The following INTS3 variants were observed in gnomAD, a reference collection of about 807,000 sequenced individuals.
INTS3 encodes integrator complex subunit 3.
INTS3 carries 34 observed loss-of-function variants against 146.3 expected under a neutral mutation model. The observed-to-expected ratio is 0.23, with a 90% CI of 0.18 to 0.31. The LOEUF (loss-of-function observed/expected upper bound fraction) is 0.31, where lower values mean the gene tolerates loss of function less well. Ranked by LOEUF, INTS3 falls within the 10% of genes least tolerant of loss-of-function variation. The probability of loss-of-function intolerance (pLI) is 1.00; values close to 1 mark genes in which losing one functional copy is unlikely to be tolerated. For missense variants in INTS3, 757 were observed against 1,304.2 expected (o/e 0.58, Z 6.46); for synonymous variants, 475 against 494.9 (o/e 0.96, Z 0.53).
At position 153,772,377 on chromosome 1, in the gene INTS3, C is replaced by G. The variant is rs1672927245; in HGVS notation, c.2758C>G (p.Leu920Val). ...SSSSKLAQLT[L>V]EQILEHLDNL... ...TAGCAGCAAGCTGGCCCAGCTGACT[C>G]TGGAGCAGATCCTGGAGCACTTGGA... is the stretch of plus-strand genomic sequence containing the variant. Residue 920 changes from leucine (L) to valine (V), a missense_variant, in exon 27 of 30, where the codon CTG (leucine) becomes GTG (valine). Coordinates refer to ENST00000318967, the MANE Select transcript of INTS3 (RefSeq NM_023015.5). This position sits in a 1 kb window ranked among gnomAD's most constrained non-coding sequence, Gnocchi z 4.6. The G allele has an allele frequency of 6.2e-7, 1 of 1,614,052 alleles. No individual in the cohort carries two copies. The highest frequency in any genetic ancestry group is 8.5e-7 in the Non-Finnish European group (1 of 1,180,046).
chr1:153,767,559 T>G lies in INTS3; in HGVS notation c.2091-115T>G, dbSNP rs542897802. On this transcript the variant is annotated intron_variant, in intron 20 of 29. Transcript: ENST00000318967. ...CAGTTGGGAGGGACATGAGGCAGAT[T>G]AGCACAGGGCATCTGGAGCCAGCAA... The G allele has an allele frequency of 2.0e-5, 22 of 1,099,310 alleles. 1 individual carries two copies. In the Admixed American group the frequency reaches 5.6e-4, roughly 28 times the overall value. The allele number at this position is 1,099,310 out of a possible 1,614,324, so 68.1% of individuals were successfully genotyped here. A position where few individuals can be genotyped will look rare whatever the true frequency, so the allele number is the denominator to read the frequency against.
chr1:153,769,148 G>C (rs1482115781), intron 22 of INTS3, among the ~76,000 whole-genome samples, 187 bp downstream of exon 22: 1 of 152,226 alleles, frequency 6.6e-6, no homozygotes, highest in Non-Finnish European at 1.5e-5. Context: ...AAGCAAGGCA[G>C]GCTGAGGTTA....
At chr1:153,762,707 T>G in intron 14 of INTS3, 21 bp from the exon 15 acceptor site, 2 of 1,614,010 alleles carry the variant, frequency 1.2e-6, no homozygotes, top group South Asian at 1.1e-5. Context: ...ATTAAATGCC[T>G]TATCTTTTTT....
chr1:153,766,079 T>C (rs4845571), intron 20 of INTS3, among the ~76,000 whole-genome samples: 148,792 of 148,844 alleles, frequency 1, 74,370 homozygotes, highest in Middle Eastern at 1. Context: ...GGAATCAAAC[T>C]GTATGTGATC....
At chr1:153,738,319 C>T (rs1671380112) in intron 1 of INTS3, among the ~76,000 whole-genome samples, 1 of 151,994 alleles carries the variant, frequency 6.6e-6, no homozygotes, top group African/African-American at 2.4e-5. Context: ...AGGCTGGTCT[C>T]GAGCTCCTGG....
chr1:153,762,745 G>C lies in INTS3; in HGVS notation c.1534G>C (p.Val512Leu), dbSNP rs781128293. ...PPVEVKIEEP[V>L]SMEMDNHMSD... ...CTCCCAAGTCAAAATTGAGGAGCCAGTTTCCATGGAGATGGACAACCATAT... is the reference window on the plus strand; with the variant it reads ...CTCCCAAGTCAAAATTGAGGAGCCACTTTCCATGGAGATGGACAACCATAT... The change falls in exon 15 of 30, where the codon GTT becomes CTT. Residue 512 changes from valine to leucine, a missense_variant. Val to Leu is a conservative substitution (Grantham distance 32). Coordinates refer to ENST00000318967, the MANE Select transcript of INTS3 (RefSeq NM_023015.5). 2 of 1,614,086 alleles carry C rather than the reference G, an allele frequency of 1.2e-6. No individual in the cohort carries two copies. The highest frequency in any genetic ancestry group is 1.7e-5 in the Admixed American group (1 of 60,006).
chr1:153,768,924 T>A lies in INTS3; in HGVS notation c.2276T>A (p.Leu759Gln). The A allele has an allele frequency of 6.2e-7, 1 of 1,614,064 alleles. No homozygotes were observed. Among genetic ancestry groups the A allele is most frequent in the South Asian group, 1.1e-5 (1 of 91,074 alleles). ...FPDETLRSGE[L>Q]LNMIVAVIDS... is the part of the protein sequence containing the mutation. The stretch of plus-strand genomic sequence containing the variant: ...GATGAAACCTTGAGGAGCGGAGAGC[T>A]GCTGAACATGATCGTGGCTGTTATT... Residue 759 changes from leucine (L) to glutamine (Q), a missense_variant, in exon 22 of 30, where the codon CTG (leucine) becomes CAG (glutamine). By Grantham distance (113) the Leu-to-Gln change is moderately radical. Around this residue, in one of 8 missense-constraint regions of INTS3, gnomAD observed 116 missense variants for 226.5 expected, o/e 0.51. Coordinates refer to ENST00000318967, the MANE Select transcript of INTS3 (RefSeq NM_023015.5).
rs183339877 is a variant in INTS3, at chr1:153,770,601, G to A, written c.2504-84G>A. 90 of 1,124,030 alleles carry A rather than the reference G, an allele frequency of 8.0e-5. No individual in the cohort carries two copies. In the East Asian group the frequency reaches 1.9e-3, roughly 24 times the overall value. The allele number at this position is 1,124,030 out of a possible 1,614,324, so 69.6% of individuals were successfully genotyped here. A position where few individuals can be genotyped will look rare whatever the true frequency, so the allele number is the denominator to read the frequency against. On this transcript the variant is annotated intron_variant, in intron 24 of 29. Coordinates refer to ENST00000318967, the MANE Select transcript of INTS3 (RefSeq NM_023015.5). ...AAAGACTGTCCTTATTCCCTCCAGT[G>A]GCTGTTGGGGGATGAGAGAGGTCCC... is the stretch of plus-strand genomic sequence containing the variant.
chr1:153,748,609 C>A, intron 5 of INTS3, 80 bp from the exon 6 acceptor site: 6 of 1,138,302 alleles, frequency 5.3e-6, no homozygotes, highest in Non-Finnish European at 8.0e-6. Context: ...CAGGGTGGAC[C>A]AGCAGAATGG....
At chr1:153,748,089 G>C (rs1377093409) in intron 5 of INTS3, 1 of 156,196 alleles carries the variant, frequency 6.4e-6, no homozygotes, top group African/African-American at 2.4e-5. Context: ...TGAGACCTGG[G>C]GCAAGGCATA....
rs1570876095 is a variant in INTS3, at chr1:153,763,507, C to G, written c.1766+145C>G. 4.6e-6 allele frequency: 4 copies of G among 874,408 alleles called. No individual in the cohort carries two copies. In the East Asian group the frequency reaches 7.6e-5, roughly 17 times the overall value. 54.2% of individuals were successfully genotyped at this position (874,408 alleles called of 1,614,324 possible). A position where few individuals can be genotyped will look rare whatever the true frequency, so the allele number is the denominator to read the frequency against. ...GTAGCTGAAGCTTCATGAGGGAGTT[C>G]TTCTGCACTTTACGTTAGGGAGTAT... On this transcript the variant is annotated intron_variant, in intron 16 of 29. Coordinates refer to ENST00000318967, the MANE Select transcript of INTS3 (RefSeq NM_023015.5).
chr1:153,741,239 C>G (rs1170711683), intron 2 of INTS3, 46 bp from the exon 3 acceptor site: 23 of 1,395,814 alleles, frequency 1.6e-5, no homozygotes, highest in Non-Finnish European at 2.1e-5. Flanking sequence ...TGAGAACTTA[C>G]TGCCTGTGAG....
intron 6 of INTS3, among the ~76,000 whole-genome samples, chr1:153,749,018 C>T (rs1671858865): frequency 6.6e-6 from 1 of 152,076 alleles, no homozygotes; most frequent in Admixed American, 6.5e-5. Context: ...TATTTTTGAT[C>T]CAGACCTCCT....
chr1:153,747,163 C>T (rs2101798293), intron 4 of INTS3, 93 bp downstream of exon 4: 3 of 1,253,264 alleles, frequency 2.4e-6, no homozygotes, highest in Admixed American at 3.5e-5. Context: ...AGGGCTAACA[C>T]ACCCCTATCA....
chr1:153,728,588 G>A lies in INTS3; in HGVS notation c.-47G>A. 6.4e-7 allele frequency: 1 copy of A among 1,566,570 alleles called. No individual in the cohort carries two copies. On this transcript the variant is annotated 5_prime_UTR_variant, in exon 1 of 30. Coordinates refer to ENST00000318967, the MANE Select transcript of INTS3 (RefSeq NM_023015.5). ...TCCAGAGATCCCGATATCTAGGACT[G>A]TCCATCCATCCACTCCCTGACCTTT...
At position 153,751,199 on chromosome 1, in the gene INTS3, A is replaced by T; in HGVS notation, c.689A>T (p.Gln230Leu). ...HGTAQLQALR[Q>L]KEVDFCISLL... ...ACTGCCCAGCTCCAGGCCCTGCGACAGAAGGAAGTAGACTTCTGCATCTCA... is the reference window on the plus strand; with the variant it reads ...ACTGCCCAGCTCCAGGCCCTGCGACTGAAGGAAGTAGACTTCTGCATCTCA... Residue 230 changes from glutamine (Q) to leucine (L), a missense_variant, in exon 7 of 30, where the codon CAG (glutamine) becomes CTG (leucine). Gln to Leu is a moderately radical substitution (Grantham distance 113). This residue lies in a region of INTS3 where 134 missense variants were observed against 243.1 expected (regional missense o/e 0.55). Coordinates refer to ENST00000318967, the MANE Select transcript of INTS3 (RefSeq NM_023015.5). The T allele has an allele frequency of 3.7e-6, 6 of 1,614,210 alleles. No individual in the cohort carries two copies. The highest frequency in any genetic ancestry group is 5.1e-6 in the Non-Finnish European group (6 of 1,180,036).
chr1:153,755,764 C>T (rs533820486), intron 9 of INTS3, among the ~76,000 whole-genome samples: 1 of 152,266 alleles, frequency 6.6e-6, no homozygotes, highest in South Asian at 2.1e-4. Context: ...CTTGGCCGGA[C>T]GCAGTGGCTT....
At chr1:153,749,020 A>G (rs1671859009) in intron 6 of INTS3, among the ~76,000 whole-genome samples, 1 of 152,198 alleles carries the variant, frequency 6.6e-6, no homozygotes. Flanking sequence ...TTTTTGATCC[A>G]GACCTCCTTG....
chr1:153,745,369 G>A (rs1671690608), intron 3 of INTS3, among the ~76,000 whole-genome samples: 1 of 151,744 alleles, frequency 6.6e-6, no homozygotes, highest in Non-Finnish European at 1.5e-5. Flanking sequence ...GTTGGCCAGG[G>A]TGGTCTCGAA....
Sources: allele counts gnomAD v4.1 joint callset (sites outside exome capture counted in the v4.1 genomes callset), GRCh38; gene constraint gnomAD v4.1.1; regional missense constraint gnomAD v4.1.1; non-coding constraint Gnocchi (gnomAD v3.1); transcripts MANE v1.5; gene names NCBI Gene and HGNC (gene_info 2026-07-23, HGNC 2026-07-21).